The following TBC1D15 variants were observed in gnomAD, a reference collection of about 807,000 sequenced individuals.
TBC1D15 encodes TBC1 domain family member 15, also known as GAP for RAB7.
Under a neutral mutation model 95.4 loss-of-function variants are expected in TBC1D15, and 39 were observed. The observed-to-expected ratio is 0.41, with a 90% confidence interval of 0.32 to 0.53. The LOEUF (loss-of-function observed/expected upper bound fraction) is 0.53, where lower values mean the gene tolerates loss of function less well. Among genes scored for constraint, TBC1D15 ranks in the 20% least tolerant of loss-of-function variants. The pLI, the probability that TBC1D15 is intolerant of heterozygous loss-of-function variation, is 0.29. For synonymous variants in TBC1D15, 258 were observed against 261.3 expected (o/e 0.99, Z 0.12); for missense variants, 733 against 794.3 (o/e 0.92, Z 0.93).
intron 1 of TBC1D15, chr12:71,849,434 T>G (rs183076228): frequency 8.9e-7 from 1 of 1,128,262 alleles, no homozygotes; most frequent in Admixed American, 1.7e-5. Flanking sequence ...GTCAAAACAC[T>G]CCATGGGCCT....
chr12:71,872,141 T>C lies in TBC1D15; in HGVS notation c.102T>C (p.Ile34=). 1 of 1,578,508 alleles carries C rather than the reference T, an allele frequency of 6.3e-7. No homozygotes were observed. Among genetic ancestry groups the C allele is most frequent in the Non-Finnish European group, 8.6e-7 (1 of 1,164,060 alleles). The change falls in exon 2 of 17, where the codon ATT becomes ATC. Residue 34 remains isoleucine (I), a synonymous_variant. Coordinates refer to ENST00000485960, the MANE Select transcript of TBC1D15 (RefSeq NM_001146213.3). ...CGKTNDQDGL[I]SGILRVLEKD... ...AGACCAATGACCAAGACGGCTTGAT[T>C]TCAGGAATATTACGTGTTTTAGAAA...
At chr12:71,842,193 C>T (rs1885194733) in intron 1 of TBC1D15, among the ~76,000 whole-genome samples, 1 of 152,128 alleles carries the variant, frequency 6.6e-6, no homozygotes, top group Non-Finnish European at 1.5e-5. Flanking sequence ...CTTGGAGTTT[C>T]GGAAAGTGAT....
chr12:71,918,910 A>AT lies in TBC1D15; in HGVS notation c.1599+368dup, dbSNP rs199812555. On this transcript the variant is annotated intron_variant, in intron 14 of 16. Coordinates refer to ENST00000485960, the MANE Select transcript of TBC1D15 (RefSeq NM_001146213.3). ...GTTTTTGGTGTACTCCTTTTGTTCC[A>AT]TTTTTTACCCAAGGCAACTCTTTAT... is the stretch of plus-strand genomic sequence containing the variant. Among the ~76,000 whole-genome samples the AT allele has an allele frequency of 8.2e-3, 1,253 of 152,032 alleles. 20 individuals carry two copies. Among genetic ancestry groups the AT allele is most frequent in the African/African-American group, 0.029 (1,183 of 41,446 alleles).
At chr12:71,854,554 T>C (rs1245331875) in intron 1 of TBC1D15, 2 of 456,586 alleles carry the variant, frequency 4.4e-6, no homozygotes, top group Non-Finnish European at 8.8e-6. Flanking sequence ...GTTCTGTACC[T>C]TCTGACAGGC....
intron 1 of TBC1D15, among the ~76,000 whole-genome samples, chr12:71,851,591 G>C (rs185979262): frequency 1.3e-5 from 2 of 152,224 alleles, no homozygotes; most frequent in Non-Finnish European, 2.9e-5. Flanking sequence ...ATTCAATGGG[G>C]TTATAGGCAT....
In TBC1D15 at chr12:71,920,805, G is replaced by T. The variant is rs1447280548; in HGVS notation, c.1674G>T (p.Gln558His). The change falls in exon 15 of 17, where the codon CAG (glutamine) becomes CAT (histidine). Residue 558 changes from glutamine (Q) to histidine (H), a missense_variant. Coordinates refer to ENST00000485960, the MANE Select transcript of TBC1D15 (RefSeq NM_001146213.3). ...LCCAILESEK[Q>H]QIMEKHYGFN... The stretch of plus-strand genomic sequence containing the variant: ...GTGCTATTCTGGAATCAGAAAAGCA[G>T]CAAATAATGGAAAAGCATTATGGCT... 1 of 1,612,192 alleles carries T rather than the reference G, an allele frequency of 6.2e-7. No individual in the cohort carries two copies. Among genetic ancestry groups the T allele is most frequent in the East Asian group, 2.2e-5 (1 of 44,718 alleles).
chr12:71,914,441 C>A (rs1903187194), intron 12 of TBC1D15, among the ~76,000 whole-genome samples: 1 of 151,974 alleles, frequency 6.6e-6, no homozygotes, highest in African/African-American at 2.4e-5. Context: ...TAGAATTGAA[C>A]TGTCTATATA....
intron 1 of TBC1D15, among the ~76,000 whole-genome samples, chr12:71,846,483 A>G (rs1200228505): frequency 6.6e-6 from 1 of 152,234 alleles, no homozygotes; most frequent in African/African-American, 2.4e-5. Flanking sequence ...TGTCTGGCAC[A>G]TAATTGCTTC....
intron 3 of TBC1D15, among the ~76,000 whole-genome samples, chr12:71,874,406 G>T (rs1026975306): frequency 6.6e-6 from 1 of 152,026 alleles, no homozygotes; most frequent in African/African-American, 2.4e-5. Flanking sequence ...TGGTATCTGT[G>T]GGGTATTGGT....
rs143349365 is a variant in TBC1D15, at chr12:71,904,076, C to T, written c.1184-2946C>T. On this transcript the variant is annotated intron_variant, in intron 10 of 16. Transcript: ENST00000485960. ...GTACAGTTACAAAAAAAGAACTGAG[C>T]CCTGGGGCACTTTAATTTACAAGTA... Among the ~76,000 whole-genome samples, 843 of 152,024 alleles carry T rather than the reference C, an allele frequency of 5.5e-3. 8 individuals carry two copies. Among genetic ancestry groups the T allele is most frequent in the African/African-American group, 0.02 (810 of 41,432 alleles).
chr12:71,856,372 G>A (rs1323978799), intron 1 of TBC1D15, among the ~76,000 whole-genome samples: 1 of 152,058 alleles, frequency 6.6e-6, no homozygotes, highest in Admixed American at 6.6e-5. Context: ...AGAATGTATT[G>A]CCTATACATT....
At chr12:71,855,045 C>T (rs1258279238) in intron 1 of TBC1D15, among the ~76,000 whole-genome samples, 3 of 152,122 alleles carry the variant, frequency 2.0e-5, no homozygotes, top group Non-Finnish European at 2.9e-5. Flanking sequence ...CTCACGGTTT[C>T]GCATGGCTGG....
chr12:71,850,332 C>T, intron 1 of TBC1D15: 1 of 390,236 alleles, frequency 2.6e-6, no homozygotes, highest in Non-Finnish European at 4.9e-6. Context: ...ATCAGAAGTT[C>T]TAAACCAGTG....
rs991746901 is a variant in TBC1D15 at position 71,896,140 on chromosome 12, T to C, written c.984+65T>C. On this transcript the variant is annotated intron_variant, in intron 8 of 16. Coordinates refer to ENST00000485960, the MANE Select transcript of TBC1D15 (RefSeq NM_001146213.3). ...CTAGTATTTAGGGGTTTTGTTGTTA[T>C]CGTTACTGTTTTGGTGTGTTTTTTT... is the stretch of plus-strand genomic sequence containing the variant. The C allele has an allele frequency of 4.9e-6, 7 of 1,426,518 alleles. No homozygotes were observed. The East Asian group carries it at 7.0e-5, about 14-fold the overall frequency. 88.4% of individuals were successfully genotyped at this position (1,426,518 alleles called of 1,614,324 possible).
At chr12:71,900,379 C>T (rs896358827) in intron 10 of TBC1D15, among the ~76,000 whole-genome samples, 4 of 152,084 alleles carry the variant, frequency 2.6e-5, no homozygotes, top group Non-Finnish European at 5.9e-5. Flanking sequence ...CACATTAACC[C>T]ATTTATGCCT....
chr12:71,894,403 A>G (rs763363813), intron 6 of TBC1D15: 131 of 1,609,400 alleles, frequency 8.1e-5, no homozygotes, highest in Non-Finnish European at 1.0e-4. Context: ...TTTCTGATGT[A>G]TGCAGATTGA....
chr12:71,870,076 C>T (rs776641403), intron 1 of TBC1D15, among the ~76,000 whole-genome samples: 10 of 152,086 alleles, frequency 6.6e-5, no homozygotes, highest in Non-Finnish European at 4.4e-5. Context: ...TGTCAGCATA[C>T]TATATATACA....
At chr12:71,864,487 G>GTT (rs1012280064) in intron 1 of TBC1D15, among the ~76,000 whole-genome samples, 272 of 142,806 alleles carry the variant, frequency 1.9e-3, no homozygotes, top group Non-Finnish European at 3.0e-3. Flanking sequence ...GCAGTTGAGT[G>GTT]TTTTTTTTTT....
intron 1 of TBC1D15, among the ~76,000 whole-genome samples, chr12:71,855,593 G>A (rs1401103438): frequency 1.3e-5 from 2 of 149,902 alleles, no homozygotes; most frequent in African/African-American, 2.5e-5. Flanking sequence ...GTGTGAACCC[G>A]GGAGGCAGAG....
Sources: gnomAD v4.1 joint callset for allele counts (sites outside exome capture counted in the v4.1 genomes callset) on GRCh38, gnomAD v4.1.1 for gene constraint, MANE v1.5 for transcripts, NCBI Gene and HGNC (gene_info 2026-07-23, HGNC 2026-07-21) for gene names.